The following NFATC3 variants were observed in gnomAD, a reference collection of about 807,000 sequenced individuals.
NFATC3 encodes the protein nuclear factor of activated T-cells, cytoplasmic 3.
Under a neutral mutation model 98.6 loss-of-function variants are expected in NFATC3, and 46 were observed. The observed-to-expected ratio is 0.47, with a 90% CI of 0.37 to 0.60. NFATC3 has a LOEUF of 0.60. Among genes scored for constraint, NFATC3 ranks in the 20% least tolerant of loss-of-function variants. The probability of loss-of-function intolerance (pLI) is 0.00; values close to 1 mark genes in which losing one functional copy is unlikely to be tolerated. For missense variants in NFATC3, 1,256 were observed against 1,295.5 expected, an observed-to-expected ratio of 0.97 and a Z score of 0.47; for synonymous variants, 512 against 472.2, an observed-to-expected ratio of 1.08 and a Z score of -1.09.
intron 1 of NFATC3, among the ~76,000 whole-genome samples, chr16:68,087,729 C>G (rs554902731): frequency 1.3e-5 from 2 of 152,264 alleles, no homozygotes; most frequent in Non-Finnish European, 2.9e-5. Context: ...CTCCCAACCC[C>G]TAGTAGCCAC....
At chr16:68,106,583 C>A (rs1157322578) in intron 1 of NFATC3, among the ~76,000 whole-genome samples, 1 of 151,952 alleles carries the variant, frequency 6.6e-6, no homozygotes, top group Non-Finnish European at 1.5e-5. Context: ...AGCCACCACA[C>A]CCAGCCTCTT....
intron 9 of NFATC3, chr16:68,214,291 T>C (rs2041541254): frequency 6.6e-7 from 1 of 1,516,854 alleles, no homozygotes; most frequent in African/African-American, 1.4e-5. Context: ...CCCTCTGGTT[T>C]GTTCCATTCA....
chr16:68,112,556 G>C (rs370532891), intron 1 of NFATC3, among the ~76,000 whole-genome samples: 1 of 151,458 alleles, frequency 6.6e-6, no homozygotes, highest in African/African-American at 2.4e-5. Flanking sequence ...GATTATAGGC[G>C]TGAGCCACTG....
rs2042070035 is a variant in NFATC3, at chr16:68,228,041, A to T, written c.*1570A>T. On this transcript the variant is annotated 3_prime_UTR_variant, in exon 10 of 10. Transcript: ENST00000346183. ...TGCCAGGACTCTCTCTACTAAGGCC[A>T]GTTCAGGTCTGGGAAAGGGAGCTGG... 1.3e-5 allele frequency: 2 copies of T among 152,250 alleles called. No homozygotes were observed. The highest frequency in any genetic ancestry group is 2.9e-5 in the Non-Finnish European group (2 of 68,058). The allele number at this position is 152,250 out of a possible 1,614,324, so 9.4% of individuals were successfully genotyped here.
intron 1 of NFATC3, among the ~76,000 whole-genome samples, chr16:68,099,727 C>T (rs1294333027): frequency 1.3e-5 from 2 of 152,128 alleles, no homozygotes; most frequent in South Asian, 4.1e-4. Context: ...CTGGCAACCA[C>T]TAATCTATTC....
intron 1 of NFATC3, among the ~76,000 whole-genome samples, chr16:68,110,528 A>G (rs1250898011): frequency 1.3e-5 from 2 of 149,158 alleles, no homozygotes; most frequent in Non-Finnish European, 3.0e-5. Context: ...GTTAGCCAGG[A>G]TGGTCTCGAT....
chr16:68,108,983 G>A (rs1452622685), intron 1 of NFATC3, among the ~76,000 whole-genome samples: 1 of 152,106 alleles, frequency 6.6e-6, no homozygotes, highest in Non-Finnish European at 1.5e-5. Context: ...CTGAGACTAG[G>A]GGGTTTTCTA....
chr16:68,173,814 A>G (rs2039574812), intron 5 of NFATC3, among the ~76,000 whole-genome samples: 1 of 152,192 alleles, frequency 6.6e-6, no homozygotes, highest in South Asian at 2.1e-4. Flanking sequence ...GAAGTTGAAG[A>G]TATTAATGAA....
intron 1 of NFATC3, among the ~76,000 whole-genome samples, chr16:68,087,345 A>G (rs2034439857): frequency 6.6e-6 from 1 of 152,232 alleles, no homozygotes; most frequent in African/African-American, 2.4e-5. Context: ...CAACCAAAAT[A>G]CTGAATAACA....
chr16:68,122,690 C>T lies in NFATC3; in HGVS notation c.807C>T (p.Ser269=). The T allele has an allele frequency of 1.2e-6, 2 of 1,614,186 alleles. No homozygotes were observed. Among genetic ancestry groups the T allele is most frequent in the Non-Finnish European group, 1.7e-6 (2 of 1,180,048 alleles). The change falls in exon 2 of 10, where the codon TCC becomes TCT. Residue 269 remains serine (S), a synonymous_variant. Transcript: ENST00000346183. ...CAGGACCCTCATCAAGGCCCACATC[C>T]CCCTGTGGGAAACGGAGGCACTCCA... The part of the protein sequence containing the change: ...PASGPSSRPT[S]PCGKRRHSSA...
At chr16:68,161,822 T>C (rs967999189) in intron 4 of NFATC3, among the ~76,000 whole-genome samples, 2 of 152,136 alleles carry the variant, frequency 1.3e-5, no homozygotes, top group Non-Finnish European at 2.9e-5. Flanking sequence ...AACCAATAAA[T>C]AGAAAAGAGT....
intron 1 of NFATC3, among the ~76,000 whole-genome samples, chr16:68,094,398 G>T (rs2034896763): frequency 6.6e-6 from 1 of 150,416 alleles, no homozygotes; most frequent in African/African-American, 2.5e-5. Context: ...ATTTTTCAAG[G>T]TTAACATTTT....
At chr16:68,123,204 G>T in intron 2 of NFATC3, 83 bp downstream of exon 2, 1 of 1,373,552 alleles carries the variant, frequency 7.3e-7, no homozygotes, top group Non-Finnish European at 9.7e-7. Flanking sequence ...AGTATATAAT[G>T]GTTATATAAT....
intron 1 of NFATC3, among the ~76,000 whole-genome samples, chr16:68,099,768 G>A (rs2035242322): frequency 6.6e-6 from 1 of 151,990 alleles, no homozygotes; most frequent in African/African-American, 2.4e-5. Flanking sequence ...TCAAGAAAAT[G>A]TTAGCTACAT....
intron 9 of NFATC3, among the ~76,000 whole-genome samples, chr16:68,210,690 T>G (rs772659309): frequency 6.6e-6 from 1 of 152,212 alleles, no homozygotes; most frequent in African/African-American, 2.4e-5. Flanking sequence ...TCACTTGGTC[T>G]TAATGTATCA....
At chr16:68,140,513 TTAG>T (rs2037693569) in intron 3 of NFATC3, among the ~76,000 whole-genome samples, 1 of 152,212 alleles carries the variant, frequency 6.6e-6, no homozygotes, top group Non-Finnish European at 1.5e-5. Context: ...ATTCCAAGGT[TTAG>T]TAGCCACATG....
chr16:68,217,464 CAAA>C (rs68079157), intron 9 of NFATC3, among the ~76,000 whole-genome samples: 4 of 44,954 alleles, frequency 8.9e-5, no homozygotes, highest in African/African-American at 1.7e-4. Context: ...GTCTCTGTCT[CAAA>C]AAAAAAAAAA....
intron 3 of NFATC3, among the ~76,000 whole-genome samples, chr16:68,129,288 T>A (rs1244763693): frequency 1.3e-5 from 2 of 152,034 alleles, no homozygotes; most frequent in Non-Finnish European, 2.9e-5. Context: ...AACAGCTGAG[T>A]CTCTCGTTAA....
intron 9 of NFATC3, among the ~76,000 whole-genome samples, chr16:68,196,438 A>G (rs1241927488): frequency 1.3e-5 from 2 of 152,162 alleles, no homozygotes; most frequent in Non-Finnish European, 2.9e-5. Flanking sequence ...AATTTTTGAT[A>G]TTTTTAATTT....
Sources: allele counts gnomAD v4.1 joint callset (sites outside exome capture counted in the v4.1 genomes callset), GRCh38; gene constraint gnomAD v4.1.1; transcripts MANE v1.5; gene names NCBI Gene and HGNC (gene_info 2026-07-23, HGNC 2026-07-21).